Variants in SEMA5A observed in about 807,000 individuals in gnomAD.
SEMA5A encodes semaphorin 5A.
SEMA5A carries 55 observed loss-of-function variants against 135.5 expected under a neutral mutation model. That is an observed-to-expected ratio of 0.41 (90% CI 0.33 to 0.51). SEMA5A has a LOEUF of 0.51. SEMA5A is among the 20% of genes least tolerant of loss of function. The pLI is 0.37. For missense variants in SEMA5A, 1,290 were observed against 1,419.9 expected, an observed-to-expected ratio of 0.91 and a Z score of 1.47; for synonymous variants, 580 against 546.5, an observed-to-expected ratio of 1.06 and a Z score of -0.85.
chr5:9,197,040 T>C (rs758286599), intron 10 of SEMA5A, 128 bp downstream of exon 10: 12 of 1,319,656 alleles, frequency 9.1e-6, no homozygotes, highest in Admixed American at 6.2e-5. Context: ...GGGCTGTCCA[T>C]GAGGGGCCAG....
At chr5:9,045,215 G>A (rs116168908) in intron 21 of SEMA5A, among the ~76,000 whole-genome samples, 2 of 152,180 alleles carry the variant, frequency 1.3e-5, no homozygotes, top group Non-Finnish European at 2.9e-5. Context: ...TCTGCTTCAA[G>A]TGCAGCCTAA....
intron 6 of SEMA5A, among the ~76,000 whole-genome samples, chr5:9,229,527 A>G (rs1306849806): frequency 6.6e-6 from 1 of 152,036 alleles, no homozygotes; most frequent in Non-Finnish European, 1.5e-5. Context: ...GTCAGAGGAG[A>G]CCCACAAAGA....
chr5:9,325,049 G>C (rs1401663247), intron 4 of SEMA5A, among the ~76,000 whole-genome samples: 2 of 152,220 alleles, frequency 1.3e-5, no homozygotes, highest in Non-Finnish European at 2.9e-5. Flanking sequence ...AAAGGCAGTG[G>C]TGCAAGAGGT....
chr5:9,067,745 C>T (rs1737554887), intron 16 of SEMA5A, among the ~76,000 whole-genome samples: 1 of 152,164 alleles, frequency 6.6e-6, no homozygotes, highest in African/African-American at 2.4e-5. Context: ...TTGATTACTT[C>T]ATTTCATGCT....
Position 9,395,618 on chromosome 5 carries a change from C to T in SEMA5A, c.-77-15595G>A, listed in dbSNP as rs866310385. ...AAATGCTCAGGCACATAGTCATTGA[C>T]ACTTTCCACTGTGACTTGGCCATAC... On this transcript the variant is annotated intron_variant, in intron 2 of 22. Transcript: ENST00000382496. Among the ~76,000 whole-genome samples the T allele has an allele frequency of 2.6e-5, 4 of 152,360 alleles. No homozygotes were observed. The Middle Eastern group carries it at 0.01, about 389-fold the overall frequency.
Position 9,379,814 on chromosome 5 carries a change from G to T in SEMA5A, c.124+9C>A, listed in dbSNP as rs1429520011. 3 of 1,613,330 alleles carry T rather than the reference G, an allele frequency of 1.9e-6. No individual in the cohort carries two copies. Among genetic ancestry groups the T allele is most frequent in the African/African-American group, 1.3e-5 (1 of 74,930 alleles). On this transcript the variant is annotated intron_variant, in intron 3 of 22. Transcript: ENST00000382496. ...ACGGCTTTGCAATCAGTGCGTGCTGGTTCCTTACCTTTATAGGAGATGACT... is the reference window on the plus strand; with the variant it reads ...ACGGCTTTGCAATCAGTGCGTGCTGTTTCCTTACCTTTATAGGAGATGACT...
chr5:9,539,949 T>G (rs867926256), intron 1 of SEMA5A, among the ~76,000 whole-genome samples: 26 of 152,342 alleles, frequency 1.7e-4, no homozygotes, highest in Middle Eastern at 6.8e-3. Context: ...ATTTTAAGAC[T>G]GTGCTAAAAA....
intron 12 of SEMA5A, among the ~76,000 whole-genome samples, chr5:9,150,171 C>G (rs1282069372): frequency 1.3e-5 from 2 of 152,146 alleles, no homozygotes; most frequent in African/African-American, 4.8e-5. Context: ...TGATGCTACT[C>G]GACCATGAGC....
intron 4 of SEMA5A, among the ~76,000 whole-genome samples, chr5:9,326,847 T>C (rs1943307502): frequency 6.6e-6 from 1 of 152,290 alleles, no homozygotes; most frequent in South Asian, 2.1e-4. Context: ...ATTAGTTTGA[T>C]TATCTAAGTG....
chr5:9,109,271 AC>A (rs1740113674), intron 15 of SEMA5A, among the ~76,000 whole-genome samples: 1 of 151,370 alleles, frequency 6.6e-6, no homozygotes, highest in African/African-American at 2.4e-5. Context: ...CAATCTCCTG[AC>A]CTCGTGATCC....
rs1207687855 is a variant in SEMA5A at position 9,343,818 on chromosome 5, T to A, written c.125-6006A>T. On this transcript the variant is annotated intron_variant, in intron 3 of 22. Coordinates refer to ENST00000382496, the MANE Select transcript of SEMA5A (RefSeq NM_003966.3). ...TTTGCAGTTTGCGTTACCAGGCCTGTTACTTCAACAACCACTCAGAACAAG... is the reference window on the plus strand; with the variant it reads ...TTTGCAGTTTGCGTTACCAGGCCTGATACTTCAACAACCACTCAGAACAAG... Among the ~76,000 whole-genome samples the A allele has an allele frequency of 2.0e-5, 3 of 152,120 alleles. No homozygotes were observed. The South Asian group carries it at 6.2e-4, about 31-fold the overall frequency.
At chr5:9,415,270 T>C (rs999317356) in intron 2 of SEMA5A, among the ~76,000 whole-genome samples, 1 of 152,182 alleles carries the variant, frequency 6.6e-6, no homozygotes, top group Non-Finnish European at 1.5e-5. Flanking sequence ...AGAAGAAGCT[T>C]TGTACCATTC....
chr5:9,061,683 T>C (rs907020859), intron 18 of SEMA5A, among the ~76,000 whole-genome samples: 1 of 152,100 alleles, frequency 6.6e-6, no homozygotes, highest in African/African-American at 2.4e-5. Context: ...GCAAAAGCCC[T>C]GGGCGGGGGC....
chr5:9,158,800 T>C (rs1033372793), intron 11 of SEMA5A, among the ~76,000 whole-genome samples: 4 of 152,194 alleles, frequency 2.6e-5, no homozygotes, highest in African/African-American at 7.2e-5. Flanking sequence ...CCATTAGTGT[T>C]GATATGGTTA....
chr5:9,376,856 A>G (rs1028278011), intron 3 of SEMA5A, among the ~76,000 whole-genome samples: 1 of 152,178 alleles, frequency 6.6e-6, no homozygotes, highest in Non-Finnish European at 1.5e-5. Context: ...AAGTGGTGCA[A>G]CCTCTATGAA....
chr5:9,091,270 C>G (rs1170154640), intron 16 of SEMA5A, among the ~76,000 whole-genome samples: 1 of 152,188 alleles, frequency 6.6e-6, no homozygotes, highest in Non-Finnish European at 1.5e-5. Context: ...AAGATAGAAG[C>G]CAACTGTCAG....
At chr5:9,286,357 A>G (rs1435921044) in intron 5 of SEMA5A, among the ~76,000 whole-genome samples, 3 of 152,156 alleles carry the variant, frequency 2.0e-5, no homozygotes. Context: ...TAATTTTTAA[A>G]ATTTATATTA....
intron 3 of SEMA5A, among the ~76,000 whole-genome samples, chr5:9,341,189 A>AACAC (rs973334085): frequency 2.0e-5 from 3 of 148,720 alleles, no homozygotes; most frequent in African/African-American, 7.5e-5. Flanking sequence ...CACACATACA[A>AACAC]ACACACACAC....
intron 16 of SEMA5A, among the ~76,000 whole-genome samples, chr5:9,073,817 A>C (rs1290731807): frequency 6.6e-6 from 1 of 152,168 alleles, no homozygotes; most frequent in Non-Finnish European, 1.5e-5. Flanking sequence ...ATGCACCAGC[A>C]ACAAGCTACC....
Sources: gnomAD v4.1 joint callset for allele counts (sites outside exome capture counted in the v4.1 genomes callset) on GRCh38, gnomAD v4.1.1 for gene constraint, MANE v1.5 for transcripts, NCBI Gene and HGNC (gene_info 2026-07-23, HGNC 2026-07-21) for gene names.